TSPAN15: variants seen among roughly 807,000 people sequenced by gnomAD.
The protein encoded by TSPAN15 is tetraspanin-15.
A neutral mutation model predicts 34.5 loss-of-function variants in TSPAN15; 20 were observed. The ratio of observed to expected loss-of-function variants is 0.58; its 90% confidence interval spans 0.41 to 0.84. The LOEUF (loss-of-function observed/expected upper bound fraction) is 0.84, where lower values mean the gene tolerates loss of function less well. Ranked by LOEUF, TSPAN15 falls within the 40% of genes least tolerant of loss-of-function variation. TSPAN15 has a pLI of 0.00. For missense variants in TSPAN15, 313 were observed against 386.1 expected (o/e 0.81, Z 1.59); for synonymous variants, 155 against 153.9 (o/e 1.01, Z -0.05).
the TSPAN15 span, among the ~76,000 whole-genome samples, chr10:69,543,851 G>A: frequency 3.3e-4 from 15 of 46,124 alleles, no homozygotes; most frequent in African/African-American, 9.3e-4. Context: ...GGGAGTGTGT[G>A]TGTGTGTGTG....
the TSPAN15 span, among the ~76,000 whole-genome samples, chr10:69,522,342 C>T: frequency 7.8e-6 from 1 of 128,072 alleles, no homozygotes; most frequent in Non-Finnish European, 1.6e-5. Context: ...CACAACTGCA[C>T]TCCAGCCTGG....
At chr10:69,466,920 C>T (rs974200617) in intron 1 of TSPAN15, among the ~76,000 whole-genome samples, 1 of 152,180 alleles carries the variant, frequency 6.6e-6, no homozygotes, top group Non-Finnish European at 1.5e-5. Context: ...GATGGTCTGG[C>T]CAGCATTGTG....
At chr10:69,478,348 C>T (rs906778045) in intron 1 of TSPAN15, among the ~76,000 whole-genome samples, 3 of 152,162 alleles carry the variant, frequency 2.0e-5, no homozygotes, top group Non-Finnish European at 4.4e-5. Flanking sequence ...TTAGCTCTTC[C>T]CCACCCCCTT....
At chr10:69,548,164 G>A in the TSPAN15 span, among the ~76,000 whole-genome samples, 11,061 of 152,052 alleles carry the variant, frequency 0.073, 403 homozygotes, top group East Asian at 0.14. Flanking sequence ...GGAAAGGATC[G>A]GGGGCAGACA....
chr10:69,538,973 A>AG, the TSPAN15 span, among the ~76,000 whole-genome samples: 29,548 of 152,070 alleles, frequency 0.19, 3,128 homozygotes, highest in East Asian at 0.29. Context: ...TTCCAAATGA[A>AG]GGGGTAGTCA....
chr10:69,544,713 G>T, the TSPAN15 span, among the ~76,000 whole-genome samples: 1 of 152,186 alleles, frequency 6.6e-6, no homozygotes, highest in African/African-American at 2.4e-5. Flanking sequence ...GTTGTGGGGT[G>T]GTCACTGGAG....
In TSPAN15 at chr10:69,485,149, C is replaced by T. The variant is rs1399498020; in HGVS notation, c.291C>T (p.Tyr97=). The T allele has an allele frequency of 1.2e-6, 2 of 1,614,078 alleles. No homozygotes were observed. Among genetic ancestry groups the T allele is most frequent in the Non-Finnish European group, 8.5e-7 (1 of 1,180,034 alleles). Residue 97 remains tyrosine, a synonymous_variant, in exon 3 of 8, where the codon TAC becomes TAT. Transcript: ENST00000373290. ...TGAATTCTGTTTTCCAGTTCATGTACATCCTTGGGATCTGCCTCATCATGG... is the reference window on the plus strand; with the variant it reads ...TGAATTCTGTTTTCCAGTTCATGTATATCCTTGGGATCTGCCTCATCATGG... The part of the protein sequence containing the change: ...DNLYLLQAFM[Y]ILGICLIMEL...
the TSPAN15 span, among the ~76,000 whole-genome samples, chr10:69,519,285 TG>T: frequency 3.9e-5 from 6 of 152,032 alleles, no homozygotes; most frequent in South Asian, 1.0e-3. Flanking sequence ...CTGGCCGTGG[TG>T]GGGTGCTCCT....
intron 4 of TSPAN15, among the ~76,000 whole-genome samples, chr10:69,497,552 T>C (rs1842113543): frequency 6.6e-6 from 1 of 152,092 alleles, no homozygotes; most frequent in South Asian, 2.1e-4. Flanking sequence ...CCCTCCCCAC[T>C]TTCCCCCTAT....
chr10:69,458,181 C>T (rs1841156447), intron 1 of TSPAN15, among the ~76,000 whole-genome samples: 2 of 152,192 alleles, frequency 1.3e-5, no homozygotes, highest in African/African-American at 4.8e-5. Context: ...CTGAAAGAGG[C>T]CACGTCCCTG....
chr10:69,485,520 T>C (rs78707713), intron 3 of TSPAN15, among the ~76,000 whole-genome samples: 12,857 of 151,604 alleles, frequency 0.085, 730 homozygotes, highest in Non-Finnish European at 0.12. Flanking sequence ...CAAAACAGCG[T>C]GGAGGCCACG....
In TSPAN15 at chr10:69,503,031, C is replaced by T. The variant is rs1240839079; in HGVS notation, c.571-1407C>T. Among the ~76,000 whole-genome samples the T allele has an allele frequency of 2.0e-5, 3 of 152,258 alleles. No individual in the cohort carries two copies. In the East Asian group the frequency reaches 5.8e-4, roughly 29 times the overall value. The stretch of plus-strand genomic sequence containing the variant: ...TTGTTCAATGAACAAATGAATGAAC[C>T]AATGAGATGGAAAGCACTCACTCCC... On this transcript the variant is annotated intron_variant, in intron 5 of 7. Coordinates refer to ENST00000373290, the MANE Select transcript of TSPAN15 (RefSeq NM_012339.5).
At chr10:69,471,696 A>G (rs1330674164) in intron 1 of TSPAN15, among the ~76,000 whole-genome samples, 1 of 144,500 alleles carries the variant, frequency 6.9e-6, no homozygotes, top group Non-Finnish European at 1.5e-5. Context: ...AGCTCAGGCC[A>G]TCCTCCCACC....
chr10:69,485,500 A>T (rs545111676), intron 3 of TSPAN15, among the ~76,000 whole-genome samples: 1 of 152,256 alleles, frequency 6.6e-6, no homozygotes, highest in East Asian at 1.9e-4. Flanking sequence ...AAATGAGCTT[A>T]GCATGTGAGC....
Position 69,476,923 on chromosome 10 carries a change from G to A in TSPAN15, c.97-6768G>A, listed in dbSNP as rs1841626600. On this transcript the variant is annotated intron_variant, in intron 1 of 7. Coordinates refer to ENST00000373290, the MANE Select transcript of TSPAN15 (RefSeq NM_012339.5). The stretch of plus-strand genomic sequence containing the variant: ...GGAGGTGGGGCCGGTGCTCCCTAGG[G>A]GAGACAGAATGGGCCCTTTAGCGGT... 2.0e-5 allele frequency among the ~76,000 whole-genome samples: 3 copies of A among 152,046 alleles called. 1 individual carries two copies. The highest frequency in any genetic ancestry group is 2.0e-4 in the Admixed American group (3 of 15,276).
intron 1 of TSPAN15, among the ~76,000 whole-genome samples, chr10:69,455,000 T>C (rs949891367): frequency 2.0e-5 from 3 of 151,822 alleles, no homozygotes; most frequent in African/African-American, 7.3e-5. Flanking sequence ...CCGTCTTTAC[T>C]AAAAATACAA....
chr10:69,546,724 A>G, the TSPAN15 span, among the ~76,000 whole-genome samples: 1 of 152,080 alleles, frequency 6.6e-6, no homozygotes. Flanking sequence ...CTCCTCATCT[A>G]CTAAGTCTCC....
Position 69,506,713 on chromosome 10 carries a change from C to A in TSPAN15, c.736-116C>A. The A allele has an allele frequency of 1.9e-6, 2 of 1,058,048 alleles. No homozygotes were observed. The highest frequency in any genetic ancestry group is 1.5e-5 in the South Asian group (1 of 65,688). The allele number at this position is 1,058,048 out of a possible 1,614,324, so 65.5% of individuals were successfully genotyped here. A position where few individuals can be genotyped will look rare whatever the true frequency, so the allele number is the denominator to read the frequency against. On this transcript the variant is annotated intron_variant, in intron 7 of 7. Transcript: ENST00000373290. This position sits in a 1 kb window ranked among gnomAD's most constrained non-coding sequence, Gnocchi z 4.7. ...TCTCTGCTGTGGGTGTTGCCCAGGT[C>A]ACACAGGACCATGAGGGCTTGGGAC...
At chr10:69,485,082 T>C (rs1428469329) in intron 2 of TSPAN15, 59 bp from the exon 3 acceptor site, 2 of 1,528,692 alleles carry the variant, frequency 1.3e-6, no homozygotes, top group Non-Finnish European at 1.8e-6. Context: ...GTGCCTCCCC[T>C]GTACCCCACA....
Sources: gnomAD v4.1 joint callset for allele counts (sites outside exome capture counted in the v4.1 genomes callset) on GRCh38, gnomAD v4.1.1 for gene constraint, Gnocchi (gnomAD v3.1) non-coding constraint, MANE v1.5 for transcripts, NCBI Gene and HGNC (gene_info 2026-07-23, HGNC 2026-07-21) for gene names.